Variants in CEMIP observed in about 807,000 individuals in gnomAD.
CEMIP encodes the protein cell migration-inducing and hyaluronan-binding protein.
In CEMIP, 105 loss-of-function variants were observed where a neutral mutation model predicts 156.9. The observed-to-expected ratio is 0.67, with a 90% CI of 0.57 to 0.79. The LOEUF is 0.79. Among genes scored for constraint, CEMIP ranks in the 30% least tolerant of loss-of-function variants. CEMIP has a pLI of 0.00. For synonymous variants in CEMIP, 676 were observed against 668.4 expected, an observed-to-expected ratio of 1.01 and a Z score of -0.17; for missense variants, 1,457 against 1,769.4, an observed-to-expected ratio of 0.82 and a Z score of 3.17.
chr15:80,839,479 C>G (rs1897342451), intron 1 of CEMIP, among the ~76,000 whole-genome samples: 1 of 152,158 alleles, frequency 6.6e-6, no homozygotes, highest in African/African-American at 2.4e-5. Context: ...GCAAACCGGG[C>G]CCTGCAGGAG....
chr15:80,888,736 T>C lies in CEMIP; in HGVS notation c.904T>C (p.Leu302=). ...CTCTGCTGCTGCCCGGGTATTCAAA[T>C]TGTTCCAGACAGAGCATGGCGAATA... ...RGSAAARVFK[L]FQTEHGEYFN... Residue 302 remains leucine (L), a synonymous_variant, in exon 9 of 30, where the codon TTG becomes CTG. Coordinates refer to ENST00000394685, the MANE Select transcript of CEMIP (RefSeq NM_001293298.2). 1.9e-6 allele frequency: 3 copies of C among 1,614,140 alleles called. No homozygotes were observed. Among genetic ancestry groups the C allele is most frequent in the African/African-American group, 1.3e-5 (1 of 75,030 alleles).
At chr15:80,879,359 G>A (rs73501091) in intron 4 of CEMIP, among the ~76,000 whole-genome samples, 10,344 of 152,176 alleles carry the variant, frequency 0.068, 1,158 homozygotes, top group African/African-American at 0.23. Flanking sequence ...AATACAGTTT[G>A]ACAACTATTT....
intron 8 of CEMIP, among the ~76,000 whole-genome samples, chr15:80,888,326 T>TA (rs929399686): frequency 2.5e-4 from 37 of 150,960 alleles, no homozygotes; most frequent in Non-Finnish European, 3.4e-4. Context: ...CAAAAAAATT[T>TA]AAAAAAAAAG....
intron 1 of CEMIP, among the ~76,000 whole-genome samples, chr15:80,829,954 G>A (rs1489773012): frequency 2.8e-5 from 4 of 143,606 alleles, no homozygotes; most frequent in Non-Finnish European, 4.5e-5. Context: ...TACCATAGAA[G>A]GGAGGTAGCG....
chr15:80,845,767 A>G (rs1897538325), intron 1 of CEMIP, among the ~76,000 whole-genome samples: 1 of 152,142 alleles, frequency 6.6e-6, no homozygotes. Flanking sequence ...TGAGGTGGAA[A>G]ATCCTGTCAG....
chr15:80,863,294 G>A (rs965584967), intron 1 of CEMIP, among the ~76,000 whole-genome samples: 1 of 152,192 alleles, frequency 6.6e-6, no homozygotes, highest in Non-Finnish European at 1.5e-5. Flanking sequence ...GTTGGACAAG[G>A]AGTTGAAAGT....
intron 1 of CEMIP, among the ~76,000 whole-genome samples, chr15:80,859,191 C>A (rs547803080): frequency 6.6e-6 from 1 of 152,164 alleles, no homozygotes; most frequent in East Asian, 1.9e-4. Context: ...AGGAGCAAGG[C>A]GAGTGGGTCA....
chr15:80,917,050 G>A (rs938712520), intron 14 of CEMIP, among the ~76,000 whole-genome samples: 5 of 152,182 alleles, frequency 3.3e-5, no homozygotes, highest in African/African-American at 1.2e-4. Context: ...TTATAGAATC[G>A]TAGTTGTGAT....
At chr15:80,939,504 C>T (rs565786748) in intron 25 of CEMIP, among the ~76,000 whole-genome samples, 1 of 152,318 alleles carries the variant, frequency 6.6e-6, no homozygotes, top group South Asian at 2.1e-4. Context: ...ACCATCCATG[C>T]AGATTTTCTT....
At chr15:80,903,773 C>G (rs1219126306) in intron 12 of CEMIP, among the ~76,000 whole-genome samples, 2 of 152,208 alleles carry the variant, frequency 1.3e-5, no homozygotes, top group East Asian at 3.9e-4. Flanking sequence ...AGGATCCACT[C>G]AGAAGCCAGT....
intron 14 of CEMIP, among the ~76,000 whole-genome samples, chr15:80,918,072 T>G (rs536897467): frequency 6.6e-6 from 1 of 152,208 alleles, no homozygotes; most frequent in East Asian, 1.9e-4. Context: ...CCCAGGAGTT[T>G]GAGACCAGCC....
intron 1 of CEMIP, among the ~76,000 whole-genome samples, chr15:80,842,609 GTAA>G (rs1897451640): frequency 6.6e-6 from 1 of 152,164 alleles, no homozygotes; most frequent in African/African-American, 2.4e-5. Flanking sequence ...GCAGGCATCT[GTAA>G]TTCCAGCTAC....
At chr15:80,890,663 A>C (rs1419305213) in intron 10 of CEMIP, among the ~76,000 whole-genome samples, 3 of 152,194 alleles carry the variant, frequency 2.0e-5, no homozygotes, top group South Asian at 4.2e-4. Context: ...AGCCAATAAA[A>C]ATAGCTACCC....
chr15:80,800,221 C>T (rs990959587), intron 1 of CEMIP, among the ~76,000 whole-genome samples: 1 of 152,032 alleles, frequency 6.6e-6, no homozygotes, highest in Non-Finnish European at 1.5e-5. Flanking sequence ...CTGAAATCAC[C>T]TCACCATCCT....
At position 80,949,088 on chromosome 15, in the gene CEMIP, C is replaced by T; in HGVS notation, c.*164C>T. On this transcript the variant is annotated 3_prime_UTR_variant, in exon 30 of 30. Coordinates refer to ENST00000394685, the MANE Select transcript of CEMIP (RefSeq NM_001293298.2). Reference sequence around the variant, plus strand: ...GGGAAGGCTATCAGAGACCCTGGTGCTGCCACCTGCCCCTACTCAAGTGTC... The same window carrying T: ...GGGAAGGCTATCAGAGACCCTGGTGTTGCCACCTGCCCCTACTCAAGTGTC... 1 of 870,840 alleles carries T rather than the reference C, an allele frequency of 1.1e-6. No individual in the cohort carries two copies. Among genetic ancestry groups the T allele is most frequent in the South Asian group, 1.4e-5 (1 of 71,854 alleles). 53.9% of individuals were successfully genotyped at this position (870,840 alleles called of 1,614,324 possible).
chr15:80,891,170 T>G (rs1236422683), intron 10 of CEMIP, among the ~76,000 whole-genome samples: 1 of 152,252 alleles, frequency 6.6e-6, no homozygotes, highest in Non-Finnish European at 1.5e-5. Flanking sequence ...AAGGAATGCT[T>G]ACATGGTCTA....
At chr15:80,885,149 T>C (rs1898792937) in intron 7 of CEMIP, among the ~76,000 whole-genome samples, 10 of 152,150 alleles carry the variant, frequency 6.6e-5, no homozygotes, top group Admixed American at 6.5e-4. Flanking sequence ...TTTTATCATG[T>C]TGAATCAAAT....
At chr15:80,910,660 G>C (rs1357659574) in intron 14 of CEMIP, among the ~76,000 whole-genome samples, 1 of 152,226 alleles carries the variant, frequency 6.6e-6, no homozygotes, top group Non-Finnish European at 1.5e-5. Flanking sequence ...TCAAGGGCTT[G>C]ATCCACAGAT....
At chr15:80,879,919 G>C in intron 5 of CEMIP, 65 bp downstream of exon 5, 1 of 1,593,740 alleles carries the variant, frequency 6.3e-7, no homozygotes, top group Non-Finnish European at 8.6e-7. Context: ...GACTTTCCAA[G>C]ACAGAGAGAG....
Sources: gnomAD v4.1 joint callset for allele counts (sites outside exome capture counted in the v4.1 genomes callset) on GRCh38, gnomAD v4.1.1 for gene constraint, MANE v1.5 for transcripts, NCBI Gene and HGNC (gene_info 2026-07-23, HGNC 2026-07-21) for gene names.